Variants in HEATR6 observed in about 807,000 individuals in gnomAD.
The protein encoded by HEATR6 is HEAT repeat containing 6.
A neutral mutation model predicts 132.8 loss-of-function variants in HEATR6; 106 were observed. The observed-to-expected ratio is 0.80, with a 90% CI of 0.68 to 0.94. The LOEUF is 0.94. HEATR6 is among the 40% of genes least tolerant of loss of function. HEATR6 has a pLI of 0.00. For synonymous variants in HEATR6, 529 were observed against 537.8 expected (o/e 0.98, Z 0.23); for missense variants, 1,339 against 1,425.1 (o/e 0.94, Z 0.97).
intron 16 of HEATR6, among the ~76,000 whole-genome samples, chr17:60,048,987 TATATATATATA>T (rs1906476567): frequency 2.5e-5 from 2 of 78,628 alleles, no homozygotes; most frequent in African/African-American, 1.2e-4. Context: ...ATATATAATA[TATATATATATA>T]TATATATATA....
At position 60,050,988 on chromosome 17, in the gene HEATR6, G is replaced by A. The variant is rs1490465263; in HGVS notation, c.2290-11C>T. The A allele has an allele frequency of 3.1e-6, 5 of 1,613,738 alleles. No homozygotes were observed. In the South Asian group the frequency reaches 4.4e-5, roughly 14 times the overall value. On this transcript the variant is annotated splice_polypyrimidine_tract_variant and intron_variant, in intron 14 of 19. Transcript: ENST00000184956. ...CCAGAACATCACCACCTGGAACGGAGGCAAAGTAAAAGCTGCAGCCCAAGA... is the reference window on the plus strand; with the variant it reads ...CCAGAACATCACCACCTGGAACGGAAGCAAAGTAAAAGCTGCAGCCCAAGA...
Position 60,069,709 on chromosome 17 carries a change from A to G in HEATR6, c.939+2T>C, listed in dbSNP as rs775141033. 1.2e-6 allele frequency: 2 copies of G among 1,613,648 alleles called. No homozygotes were observed. Among genetic ancestry groups the G allele is most frequent in the East Asian group, 2.2e-5 (1 of 44,880 alleles). ...CTTAAATCTAAATAAACATAAATGTACCAAAGTTGGTCGAGAAGCACTGGA... is the reference window on the plus strand; with the variant it reads ...CTTAAATCTAAATAAACATAAATGTGCCAAAGTTGGTCGAGAAGCACTGGA... On this transcript the variant is annotated splice_donor_variant, in intron 7 of 19. Transcript: ENST00000184956. LOFTEE classifies it high-confidence loss of function.
In HEATR6 at chr17:60,057,116, C is replaced by A; in HGVS notation, c.2011G>T (p.Gly671Cys). The change falls in exon 12 of 20, where the codon GGT becomes TGT. Residue 671 changes from glycine to cysteine, a missense_variant. By Grantham distance (159) the Gly-to-Cys change is radical. Coordinates refer to ENST00000184956, the MANE Select transcript of HEATR6 (RefSeq NM_022070.5). ...CCTGCTGCAGAGCCAGCATCGCTACCTGAACAGGAATCCTCCTTGGGCAGT... is the reference window on the plus strand; with the variant it reads ...CCTGCTGCAGAGCCAGCATCGCTACATGAACAGGAATCCTCCTTGGGCAGT... The part of the protein sequence containing the change: ...VVLPKEDSCS[G>C]SDAGSAAGST... 1 of 1,614,084 alleles carries A rather than the reference C, an allele frequency of 6.2e-7. No individual in the cohort carries two copies.
rs755692326 is a variant in HEATR6, at chr17:60,046,073, C to T, written c.2926G>A (p.Ala976Thr). 6.2e-7 allele frequency: 1 copy of T among 1,614,090 alleles called. No homozygotes were observed. Among genetic ancestry groups the T allele is most frequent in the Non-Finnish European group, 8.5e-7 (1 of 1,179,998 alleles). ...TEAAMKVRWNACYAMGNVFKN... is the reference protein window; with the variant it reads ...TEAAMKVRWNTCYAMGNVFKN... Reference sequence around the variant, plus strand: ...AATACATTTCCCATTGCATAACAAGCATTCCATCGGACTTTCATGGCAGCT... The same window carrying T: ...AATACATTTCCCATTGCATAACAAGTATTCCATCGGACTTTCATGGCAGCT... Residue 976 changes from alanine to threonine, a missense_variant, in exon 19 of 20, where the codon GCT (alanine) becomes ACT (threonine). Coordinates refer to ENST00000184956, the MANE Select transcript of HEATR6 (RefSeq NM_022070.5).
At chr17:60,050,772 T>C (rs1453904750) in intron 15 of HEATR6, 71 bp downstream of exon 15, 67 of 1,576,190 alleles carry the variant, frequency 4.3e-5, no homozygotes, top group Non-Finnish European at 5.5e-5. Flanking sequence ...TGGTTCAAAA[T>C]GCAAAAGCAT....
In HEATR6 at chr17:60,044,003, C is replaced by A. The variant is rs776246320; in HGVS notation, c.3106G>T (p.Val1036Phe). Reference sequence around the variant, plus strand: ...TTCCAGATCCGAGCATACTGGTCAACAGACCCGTACTGCTCTCTCTTCCCC... The same window carrying A: ...TTCCAGATCCGAGCATACTGGTCAAAAGACCCGTACTGCTCTCTCTTCCCC... ...VPGKREQYGS[V>F]DQYARIWNAL... The change falls in exon 20 of 20, where the codon GTT becomes TTT. Residue 1036 changes from valine to phenylalanine, a missense_variant. Physicochemically the swap from Val to Phe is conservative, Grantham distance 50. Transcript: ENST00000184956. The A allele has an allele frequency of 7.4e-6, 12 of 1,614,144 alleles. No homozygotes were observed. The highest frequency in any genetic ancestry group is 1.6e-4 in the Middle Eastern group (1 of 6,062).
At chr17:60,046,438 T>C (rs923748378) in intron 18 of HEATR6, among the ~76,000 whole-genome samples, 1 of 152,182 alleles carries the variant, frequency 6.6e-6, no homozygotes, top group Non-Finnish European at 1.5e-5. Flanking sequence ...TTATTTATTT[T>C]ATTTAGTGCT....
Position 60,056,986 on chromosome 17 carries a change from C to T in HEATR6, c.2079+62G>A, listed in dbSNP as rs547134092. The T allele has an allele frequency of 3.1e-6, 4 of 1,301,912 alleles. No individual in the cohort carries two copies. The East Asian group carries it at 7.0e-5, about 23-fold the overall frequency. The allele number at this position is 1,301,912 out of a possible 1,614,324, so 80.6% of individuals were successfully genotyped here. ...CTTGGTTTTACCTGCTCGCTCCTCA[C>T]AGTCACTCTGAAGGAGGAATGGTTA... On this transcript the variant is annotated intron_variant, in intron 12 of 19. Transcript: ENST00000184956.
chr17:60,048,756 G>A (rs1386981057), intron 16 of HEATR6, among the ~76,000 whole-genome samples: 1 of 151,790 alleles, frequency 6.6e-6, no homozygotes. Context: ...CACATCCTAT[G>A]TACTACACAT....
chr17:60,055,310 A>T (rs1906707411), intron 14 of HEATR6, among the ~76,000 whole-genome samples: 1 of 152,240 alleles, frequency 6.6e-6, no homozygotes, highest in Non-Finnish European at 1.5e-5. Context: ...TATGTTATAC[A>T]TAAGCCTACC....
intron 11 of HEATR6, 105 bp from the exon 12 acceptor site, chr17:60,057,508 G>T: frequency 1.4e-6 from 1 of 712,492 alleles, no homozygotes; most frequent in Non-Finnish European, 2.3e-6. Context: ...TGTGTAACCT[G>T]AATCTAATCA....
chr17:60,052,591 T>G (rs1906619049), intron 14 of HEATR6, among the ~76,000 whole-genome samples: 1 of 152,222 alleles, frequency 6.6e-6, no homozygotes, highest in African/African-American at 2.4e-5. Context: ...AGTGGCATTC[T>G]AAGGCAGGGA....
Position 60,078,704 on chromosome 17 carries a change from C to T in HEATR6, c.211G>A (p.Ala71Thr), listed in dbSNP as rs768891592. The T allele has an allele frequency of 3.9e-6, 6 of 1,541,794 alleles. No homozygotes were observed. The highest frequency in any genetic ancestry group is 1.8e-4 in the Middle Eastern group (1 of 5,636). ...SENYSEGSGV[A>T]PEDVSALLVQ... is the part of the protein sequence containing the mutation. ...CAGGGCGCGCCGCCTACCTCCGGGG[C>T]CACGCCACTGCCCTCGCTGTAGTTC... is the stretch of plus-strand genomic sequence containing the variant. The change falls in exon 1 of 20, where the codon GCC (alanine) becomes ACC (threonine). Residue 71 changes from alanine (A) to threonine (T), a missense_variant. By Grantham distance (58) the Ala-to-Thr change is moderately conservative. Transcript: ENST00000184956.
At chr17:60,072,181 G>T in intron 5 of HEATR6, 34 bp downstream of exon 5, 1 of 1,148,858 alleles carries the variant, frequency 8.7e-7, no homozygotes, top group Non-Finnish European at 1.3e-6. Context: ...AGACACATCC[G>T]CAACATTCAC....
chr17:60,072,302 C>T lies in HEATR6; in HGVS notation c.612G>A (p.Glu204=), dbSNP rs967650556. The T allele has an allele frequency of 2.5e-6, 4 of 1,610,400 alleles. No individual in the cohort carries two copies. The highest frequency in any genetic ancestry group is 3.4e-6 in the Non-Finnish European group (4 of 1,177,514). Reference sequence around the variant, plus strand: ...CTTGGAAACAGACATTTTGGTAGGGCTCCTCCAAATACGGCTGTCCTGGCA... The same window carrying T: ...CTTGGAAACAGACATTTTGGTAGGGTTCCTCCAAATACGGCTGTCCTGGCA... The part of the protein sequence containing the change: ...LSVPGQPYLE[E]PYQNVCFQAF... The change falls in exon 5 of 20, where the codon GAG becomes GAA. Residue 204 remains glutamate (E), a synonymous_variant. Transcript: ENST00000184956.
chr17:60,050,727 A>G, intron 15 of HEATR6, 116 bp downstream of exon 15: 1 of 1,264,886 alleles, frequency 7.9e-7, no homozygotes, highest in Non-Finnish European at 1.1e-6. Flanking sequence ...CTCAAGTAGA[A>G]CTAGCGCCTT....
chr17:60,065,065 A>G (rs1375119261), intron 9 of HEATR6, among the ~76,000 whole-genome samples: 1 of 151,976 alleles, frequency 6.6e-6, no homozygotes, highest in African/African-American at 2.4e-5. Context: ...TTTTATTTCA[A>G]TTACTCTAAT....
chr17:60,061,202 T>G (rs2083209219), intron 9 of HEATR6, among the ~76,000 whole-genome samples: 1 of 152,182 alleles, frequency 6.6e-6, no homozygotes, highest in Non-Finnish European at 1.5e-5. Flanking sequence ...ATGAAGCATA[T>G]CTGAGTTTGG....
Position 60,069,833 on chromosome 17 carries a change from C to T in HEATR6, c.817G>A (p.Gly273Arg), listed in dbSNP as rs762963376. Residue 273 changes from glycine to arginine, a missense_variant, in exon 7 of 20, where the codon GGA becomes AGA. Gly to Arg is a moderately radical substitution (Grantham distance 125). Transcript: ENST00000184956. ...ATCTCTATGTTTAGTCCAGGGAGTCCGTGAAACATGAATTTCTAATAATGA... is the reference window on the plus strand; with the variant it reads ...ATCTCTATGTTTAGTCCAGGGAGTCTGTGAAACATGAATTTCTAATAATGA... Reference protein sequence around the residue: ...LAVLKKFMFHGLPGLNIEMPT... With the variant: ...LAVLKKFMFHRLPGLNIEMPT... 106 of 1,613,318 alleles carry T rather than the reference C, an allele frequency of 6.6e-5. No individual in the cohort carries two copies. The highest frequency in any genetic ancestry group is 4.5e-4 in the South Asian group (41 of 90,982).
Sources: gnomAD v4.1 joint callset for allele counts (sites outside exome capture counted in the v4.1 genomes callset) on GRCh38, gnomAD v4.1.1 for gene constraint, MANE v1.5 for transcripts, NCBI Gene and HGNC (gene_info 2026-07-23, HGNC 2026-07-21) for gene names.